Variants in GATAD2B observed in about 807,000 individuals in gnomAD.
GATAD2B encodes transcriptional repressor p66-beta.
In GATAD2B, 8 loss-of-function variants were observed where a neutral mutation model predicts 64.3. That is an observed-to-expected ratio of 0.12 (90% CI 0.07 to 0.22). The LOEUF (loss-of-function observed/expected upper bound fraction) is 0.22. Among genes scored for constraint, GATAD2B ranks in the 10% least tolerant of loss-of-function variants. The pLI, the probability that GATAD2B is intolerant of heterozygous loss-of-function variation, is 1.00. For missense variants in GATAD2B, 453 were observed against 752.0 expected (o/e 0.60, Z 4.65); for synonymous variants, 281 against 271.3 (o/e 1.04, Z -0.35).
Position 153,828,040 on chromosome 1 carries a change from T to A in GATAD2B, c.308A>T (p.Glu103Val). The part of the protein sequence containing the change: ...GRPGKENIND[E>V]PVDMSARRSE... ...CCGTCTAGCACTCATATCCACAGGC[T>A]CATCATTGATGTTTTCTTTGCCTGG... Residue 103 changes from glutamate (E) to valine (V), a missense_variant, in exon 2 of 11, where the codon GAG becomes GTG. By Grantham distance (121) the Glu-to-Val change is moderately radical. Transcript: ENST00000368655. The A allele has an allele frequency of 1.2e-6, 2 of 1,614,080 alleles. No individual in the cohort carries two copies. Among genetic ancestry groups the A allele is most frequent in the Non-Finnish European group, 1.7e-6 (2 of 1,179,962 alleles).
chr1:153,853,189 G>A, intron 1 of GATAD2B: 1 of 1,221,522 alleles, frequency 8.2e-7, no homozygotes, highest in Non-Finnish European at 1.2e-6. Context: ...ACTGCAATTT[G>A]CAGCTCTAGC....
intron 1 of GATAD2B, among the ~76,000 whole-genome samples, chr1:153,864,093 CT>C (rs1419053499): frequency 6.6e-6 from 1 of 152,196 alleles, no homozygotes; most frequent in African/African-American, 2.4e-5. Flanking sequence ...TCACAATGCT[CT>C]GAAAAGCATG....
At chr1:153,910,697 G>A (rs1054833200) in intron 1 of GATAD2B, among the ~76,000 whole-genome samples, 2 of 152,044 alleles carry the variant, frequency 1.3e-5, no homozygotes, top group Non-Finnish European at 2.9e-5. Context: ...CCAAGACTGC[G>A]CCACTGTGCT....
At chr1:153,842,644 T>TTATG (rs71093293) in intron 1 of GATAD2B, among the ~76,000 whole-genome samples, 17,688 of 150,296 alleles carry the variant, frequency 0.12, 1,534 homozygotes, top group East Asian at 0.46. Flanking sequence ...TTTTAAAATT[T>TTATG]TATGTATGTA....
chr1:153,819,730 G>C lies in GATAD2B; in HGVS notation c.341C>G (p.Pro114Arg), dbSNP rs1291479162. The stretch of plus-strand genomic sequence containing the variant: ...TGAGGGAGTTAGCCTTCCTCGCTCT[G>C]GCTCACTAGACAAGAAAGGGAAAAA... ...PVDMSARRSE[P>R]ERGRLTPSPD... is the part of the protein sequence containing the mutation. The change falls in exon 3 of 11, where the codon CCA becomes CGA. Residue 114 changes from proline (P) to arginine (R), a missense_variant. This residue lies in a region of GATAD2B where 293 missense variants were observed against 417.2 expected (regional missense o/e 0.70). Coordinates refer to ENST00000368655, the MANE Select transcript of GATAD2B (RefSeq NM_020699.4). The C allele has an allele frequency of 1.9e-6, 3 of 1,596,348 alleles. No homozygotes were observed. The highest frequency in any genetic ancestry group is 2.6e-6 in the Non-Finnish European group (3 of 1,173,756).
chr1:153,819,449 T>C lies in GATAD2B; in HGVS notation c.465+157A>G, dbSNP rs377102765. 3.9e-4 allele frequency among the ~76,000 whole-genome samples: 59 copies of C among 152,372 alleles called. No homozygotes were observed. In the East Asian group the frequency reaches 4.8e-3, roughly 12 times the overall value. On this transcript the variant is annotated intron_variant, in intron 3 of 10. Coordinates refer to ENST00000368655, the MANE Select transcript of GATAD2B (RefSeq NM_020699.4). ...CTCCACTTGCTTCTAATAGTTCCTTTTGAAAGCCCTTGAAGTCAAGAGTTA... is the reference window on the plus strand; with the variant it reads ...CTCCACTTGCTTCTAATAGTTCCTTCTGAAAGCCCTTGAAGTCAAGAGTTA...
chr1:153,811,801 G>C lies in GATAD2B; in HGVS notation c.1578C>G (p.Ala526=), dbSNP rs1202431083. 1.1e-5 allele frequency: 18 copies of C among 1,613,062 alleles called. No individual in the cohort carries two copies. Among genetic ancestry groups the C allele is most frequent in the Non-Finnish European group, 1.5e-5 (18 of 1,179,704 alleles). Residue 526 remains alanine (A), a synonymous_variant, in exon 10 of 11, where the codon GCC becomes GCG. Coordinates refer to ENST00000368655, the MANE Select transcript of GATAD2B (RefSeq NM_020699.4). ...GTGCAAAGTTTGAAAGCATGGAGCG[G>C]GCAGATGTGGGTATGCCACGCTGGA... ...SSLQRGIPTS[A]RSMLSNFAQA...
intron 1 of GATAD2B, among the ~76,000 whole-genome samples, chr1:153,873,768 A>T (rs1676741933): frequency 6.6e-6 from 1 of 152,162 alleles, no homozygotes; most frequent in Non-Finnish European, 1.5e-5. Flanking sequence ...ACATAGTGAG[A>T]CCCCATCTCT....
Position 153,807,282 on chromosome 1 carries a change from C to T in GATAD2B, c.*2895G>A, listed in dbSNP as rs1674138980. On this transcript the variant is annotated 3_prime_UTR_variant, in exon 11 of 11. Transcript: ENST00000368655. ...GCATGAGGTTTAGTGTCTACACGGC[C>T]CAGAGCCTGGAGATGGATAGTAACA... The T allele has an allele frequency of 1.3e-5, 2 of 151,972 alleles. No homozygotes were observed. Among genetic ancestry groups the T allele is most frequent in the South Asian group, 2.1e-4 (1 of 4,812 alleles). 9.4% of individuals were successfully genotyped at this position (151,972 alleles called of 1,614,324 possible). A position where few individuals can be genotyped will look rare whatever the true frequency, so the allele number is the denominator to read the frequency against.
intron 9 of GATAD2B, 46 bp downstream of exon 9, chr1:153,811,976 T>A: frequency 7.5e-7 from 1 of 1,334,702 alleles, no homozygotes; most frequent in Non-Finnish European, 1.1e-6. Flanking sequence ...GATAAATGGC[T>A]GATAAATCTT....
In GATAD2B at chr1:153,813,118, A is replaced by G. The variant is rs1011575198; in HGVS notation, c.1419+132T>C. The G allele has an allele frequency of 1.2e-5, 8 of 683,652 alleles. No homozygotes were observed. In the African/African-American group the frequency reaches 1.4e-4, roughly 12 times the overall value. The allele number at this position is 683,652 out of a possible 1,614,324, so 42.3% of individuals were successfully genotyped here. A position where few individuals can be genotyped will look rare whatever the true frequency, so the allele number is the denominator to read the frequency against. Reference sequence around the variant, plus strand: ...ACTCGCTCAAATGGAAATAGGACACAATGATAAGGAGACAAAAAGGGAACC... The same window carrying G: ...ACTCGCTCAAATGGAAATAGGACACGATGATAAGGAGACAAAAAGGGAACC... On this transcript the variant is annotated intron_variant, in intron 8 of 10. Coordinates refer to ENST00000368655, the MANE Select transcript of GATAD2B (RefSeq NM_020699.4).
Position 153,809,535 on chromosome 1 carries a change from C to T in GATAD2B, c.*642G>A, listed in dbSNP as rs35036680. 16,777 of 152,414 alleles carry T rather than the reference C, an allele frequency of 0.11. 1,494 individuals carry two copies. Among genetic ancestry groups the T allele is most frequent in the East Asian group, 0.46 (2,383 of 5,152 alleles). The allele number at this position is 152,414 out of a possible 1,614,324, so 9.4% of individuals were successfully genotyped here. ...ACCCAAATTGTCCAGCCCCCAAACA[C>T]CCACAGGTAGGGTGCTATTCGTCCT... On this transcript the variant is annotated 3_prime_UTR_variant, in exon 11 of 11. Transcript: ENST00000368655.
At chr1:153,835,338 A>C (rs544633145) in intron 1 of GATAD2B, among the ~76,000 whole-genome samples, 1 of 152,312 alleles carries the variant, frequency 6.6e-6, no homozygotes, top group African/African-American at 2.4e-5. Flanking sequence ...CTGTGGATAA[A>C]ATGGTATTAA....
chr1:153,896,893 C>CT (rs1281654858), intron 1 of GATAD2B, among the ~76,000 whole-genome samples: 2 of 152,090 alleles, frequency 1.3e-5, no homozygotes, highest in African/African-American at 4.8e-5. Context: ...ATACTCATTG[C>CT]TTTTTATATC....
chr1:153,876,141 T>C (rs953818444), intron 1 of GATAD2B, among the ~76,000 whole-genome samples: 3 of 139,466 alleles, frequency 2.2e-5, no homozygotes, highest in Non-Finnish European at 4.5e-5. Context: ...GGCAGGAGAA[T>C]CGCTTGAACC....
At chr1:153,812,601 T>C (rs1250507170) in intron 8 of GATAD2B, among the ~76,000 whole-genome samples, 1 of 152,158 alleles carries the variant, frequency 6.6e-6, no homozygotes, top group Admixed American at 6.5e-5. Flanking sequence ...TTTTCTTTTC[T>C]CTTTTTAAAA....
At chr1:153,915,968 G>A (rs1042215367) in intron 1 of GATAD2B, among the ~76,000 whole-genome samples, 5 of 152,064 alleles carry the variant, frequency 3.3e-5, no homozygotes, top group South Asian at 4.1e-4. Context: ...TTGAAGGCAC[G>A]ATGATAGAGA....
chr1:153,914,864 TTACAC>T (rs1391991689), intron 1 of GATAD2B: 3 of 152,078 alleles, frequency 2.0e-5, no homozygotes, highest in African/African-American at 7.3e-5. Context: ...GAGTTCAAGG[TTACAC>T]TAAACTATGA....
chr1:153,920,964 G>A (rs1045169797), intron 1 of GATAD2B, among the ~76,000 whole-genome samples: 5 of 152,114 alleles, frequency 3.3e-5, no homozygotes, highest in Non-Finnish European at 7.4e-5. Flanking sequence ...CCAGGGACTA[G>A]ATATCCGTCA....
Sources: allele counts gnomAD v4.1 joint callset (sites outside exome capture counted in the v4.1 genomes callset), GRCh38; gene constraint gnomAD v4.1.1; regional missense constraint gnomAD v4.1.1; transcripts MANE v1.5; gene names NCBI Gene and HGNC (gene_info 2026-07-23, HGNC 2026-07-21).